The following AKAP12 variants were observed in gnomAD, a reference collection of about 807,000 sequenced individuals.
The protein encoded by AKAP12 is A-kinase anchor protein 12.
Under a neutral mutation model 79.9 loss-of-function variants are expected in AKAP12, and 32 were observed. That is an observed-to-expected ratio of 0.40 (90% confidence interval 0.30 to 0.54). AKAP12 has a LOEUF of 0.54. Among genes scored for constraint, AKAP12 ranks in the 20% least tolerant of loss-of-function variants. The pLI is 0.48. For missense variants in AKAP12, 2,074 were observed against 2,177.0 expected (o/e 0.95, Z 0.94); for synonymous variants, 808 against 857.0 (o/e 0.94, Z 1.00).
intron 2 of AKAP12, among the ~76,000 whole-genome samples, chr6:151,259,397 A>AGCATATATATTTATATAT (rs1289116376): frequency 1.7e-3 from 254 of 149,922 alleles, no homozygotes; most frequent in Middle Eastern, 3.5e-3. Context: ...TTTAAAAAAT[A>AGCATATATATTTATATAT]GCATATATAT....
At chr6:151,330,843 C>T (rs1777648166) in intron 3 of AKAP12, among the ~76,000 whole-genome samples, 2 of 152,054 alleles carry the variant, frequency 1.3e-5, no homozygotes, top group Admixed American at 6.6e-5. Flanking sequence ...TTTGAACACA[C>T]GGGCTGTCTC....
intron 2 of AKAP12, among the ~76,000 whole-genome samples, chr6:151,241,339 A>C (rs1796971905): frequency 6.6e-6 from 1 of 152,166 alleles, no homozygotes; most frequent in Non-Finnish European, 1.5e-5. Context: ...AGCCAGGAAA[A>C]ACCTGGGCAG....
At chr6:151,289,232 CG>C (rs1776566122) in intron 2 of AKAP12, among the ~76,000 whole-genome samples, 1 of 152,170 alleles carries the variant, frequency 6.6e-6, no homozygotes, top group African/African-American at 2.4e-5. Flanking sequence ...AGCCAGCCCT[CG>C]AGCGCAGACG....
chr6:151,294,163 G>A (rs1776677025), intron 2 of AKAP12, among the ~76,000 whole-genome samples: 2 of 151,986 alleles, frequency 1.3e-5, no homozygotes, highest in Admixed American at 1.3e-4. Flanking sequence ...TAGTAGAGAC[G>A]GGGTTTCACC....
At chr6:151,312,795 A>G (rs79027543) in intron 3 of AKAP12, among the ~76,000 whole-genome samples, 1 of 147,962 alleles carries the variant, frequency 6.8e-6, no homozygotes, top group African/African-American at 2.5e-5. Flanking sequence ...TCTGTCTCCA[A>G]AAAAAAAAAA....
chr6:151,340,787 G>A (rs1777924830), intron 3 of AKAP12, among the ~76,000 whole-genome samples: 1 of 145,658 alleles, frequency 6.9e-6, no homozygotes, highest in Admixed American at 6.8e-5. Context: ...TTCGTCCTGT[G>A]ACACTGACAT....
intron 2 of AKAP12, among the ~76,000 whole-genome samples, chr6:151,278,730 C>T (rs371383687): frequency 8.5e-4 from 129 of 151,786 alleles, no homozygotes; most frequent in African/African-American, 3.0e-3. Context: ...TGCAGTGGCG[C>T]GATCTCCGCT....
At chr6:151,256,849 A>T (rs1420404128) in intron 2 of AKAP12, among the ~76,000 whole-genome samples, 1 of 151,426 alleles carries the variant, frequency 6.6e-6, no homozygotes, top group Non-Finnish European at 1.5e-5. Flanking sequence ...GGGTTTTACC[A>T]TATTGGCCAG....
chr6:151,353,295 G>T lies in AKAP12; in HGVS notation c.4904G>T (p.Ser1635Ile). The T allele has an allele frequency of 6.2e-7, 1 of 1,614,174 alleles. No homozygotes were observed. Among genetic ancestry groups the T allele is most frequent in the East Asian group, 2.2e-5 (1 of 44,888 alleles). ...QAHSDISKDM[S>I]EASEKTMTVE... is the part of the protein sequence containing the mutation. ...CATTCTGATATTTCCAAAGACATGA[G>T]TGAAGCCTCAGAAAAGACCATGACT... Residue 1635 changes from serine (S) to isoleucine (I), a missense_variant, in exon 4 of 5, where the codon AGT (serine) becomes ATT (isoleucine). Physicochemically the swap from Ser to Ile is moderately radical, Grantham distance 142. Transcript: ENST00000402676.
intron 2 of AKAP12, among the ~76,000 whole-genome samples, chr6:151,264,186 A>G (rs1412350553): frequency 6.6e-6 from 1 of 152,134 alleles, no homozygotes; most frequent in Admixed American, 6.6e-5. Context: ...TGCCAAGATG[A>G]AAGTGGAGCA....
chr6:151,246,416 T>TCAAAAA (rs541585942), intron 2 of AKAP12, among the ~76,000 whole-genome samples: 38 of 152,302 alleles, frequency 2.5e-4, no homozygotes, highest in East Asian at 9.6e-4. Flanking sequence ...AGACTCCGTC[T>TCAAAAA]CAAAAACAAA....
intron 2 of AKAP12, among the ~76,000 whole-genome samples, chr6:151,304,648 T>C (rs1370356457): frequency 6.6e-6 from 1 of 151,076 alleles, no homozygotes; most frequent in African/African-American, 2.4e-5. Flanking sequence ...CGCTGTAACC[T>C]CCACCTCCCA....
In AKAP12 at chr6:151,351,342, C is replaced by T; in HGVS notation, c.2951C>T (p.Pro984Leu). The change falls in exon 4 of 5, where the codon CCA (proline) becomes CTA (leucine). Residue 984 changes from proline to leucine, a missense_variant. Pro to Leu is a moderately conservative substitution (Grantham distance 98). Transcript: ENST00000402676. The surrounding 1 kb of genome is among the most constrained non-coding windows in gnomAD (Gnocchi z 4.4). ...EAVTAAETAGPLGAEEGTEAS... is the reference protein window; with the variant it reads ...EAVTAAETAGLLGAEEGTEAS... ...GTGACAGCTGCAGAAACTGCAGGGC[C>T]ATTGGGTGCCGAAGAAGGAACCGAA... The T allele has an allele frequency of 1.2e-6, 2 of 1,614,198 alleles. No homozygotes were observed.
chr6:151,248,303 G>C (rs978373125), intron 2 of AKAP12, among the ~76,000 whole-genome samples: 1 of 145,194 alleles, frequency 6.9e-6, no homozygotes. Context: ...GGGTCTCACT[G>C]TGTTTCCCAG....
At chr6:151,276,201 T>C (rs1251813282) in intron 2 of AKAP12, among the ~76,000 whole-genome samples, 1 of 151,992 alleles carries the variant, frequency 6.6e-6, no homozygotes, top group African/African-American at 2.4e-5. Context: ...AATCTTTCCA[T>C]GTTCCTGAAC....
chr6:151,340,826 C>A (rs373604402), intron 3 of AKAP12, among the ~76,000 whole-genome samples: 1 of 152,138 alleles, frequency 6.6e-6, no homozygotes, highest in East Asian at 1.9e-4. Flanking sequence ...TTTTGCAGAA[C>A]GTCCTTCATT....
intron 2 of AKAP12, among the ~76,000 whole-genome samples, chr6:151,256,121 C>T (rs751340486): frequency 3.9e-5 from 6 of 151,988 alleles, no homozygotes; most frequent in East Asian, 1.9e-4. Flanking sequence ...TGGAGATGCA[C>T]GAGAGAAAGA....
At chr6:151,315,451 G>A (rs1303741029) in intron 3 of AKAP12, among the ~76,000 whole-genome samples, 1 of 152,088 alleles carries the variant, frequency 6.6e-6, no homozygotes, top group Non-Finnish European at 1.5e-5. Context: ...CCTCCCAAAG[G>A]CCCCACCCTC....
intron 2 of AKAP12, among the ~76,000 whole-genome samples, chr6:151,260,345 G>T (rs549901076): frequency 1.6e-4 from 25 of 152,304 alleles, no homozygotes; most frequent in Admixed American, 3.3e-4. Flanking sequence ...TCTCACTCCT[G>T]TTTGGGCAGC....
Sources: allele counts gnomAD v4.1 joint callset (sites outside exome capture counted in the v4.1 genomes callset), GRCh38; gene constraint gnomAD v4.1.1; non-coding constraint Gnocchi (gnomAD v3.1); transcripts MANE v1.5; gene names NCBI Gene and HGNC (gene_info 2026-07-23, HGNC 2026-07-21).